PCDH9: variants seen among roughly 807,000 people sequenced by gnomAD.
PCDH9 encodes protocadherin 9, also known as protocadherin-9.
Under a neutral mutation model 70.6 loss-of-function variants are expected in PCDH9, and 24 were observed. The observed-to-expected ratio is 0.34, with a 90% CI of 0.25 to 0.48. The LOEUF (loss-of-function observed/expected upper bound fraction) is 0.48. PCDH9 is among the 20% of genes least tolerant of loss of function. The pLI is 0.99. For missense variants in PCDH9, 1,281 were observed against 1,503.6 expected, an observed-to-expected ratio of 0.85 and a Z score of 2.45; for synonymous variants, 562 against 558.5, an observed-to-expected ratio of 1.01 and a Z score of -0.09.
At chr13:66,808,704 G>C (rs900421544) in intron 3 of PCDH9, among the ~76,000 whole-genome samples, 1 of 152,104 alleles carries the variant, frequency 6.6e-6, no homozygotes, top group Non-Finnish European at 1.5e-5. Flanking sequence ...ATATGCTAGA[G>C]AATGCATATT....
At position 66,746,335 on chromosome 13, in the gene PCDH9, C is replaced by G. The variant is rs1360564535; in HGVS notation, c.3139-114924G>C. 2.6e-5 allele frequency among the ~76,000 whole-genome samples: 4 copies of G among 152,138 alleles called. No homozygotes were observed. In the East Asian group the frequency reaches 5.8e-4, roughly 22 times the overall value. ...GTAAAAGCAATTATAAAAACTCTCT[C>G]AATATTTGTTTCATTTCAAATTAAA... is the stretch of plus-strand genomic sequence containing the variant. On this transcript the variant is annotated intron_variant, in intron 3 of 4. Coordinates refer to ENST00000377865, the MANE Select transcript of PCDH9 (RefSeq NM_203487.3).
intron 3 of PCDH9, among the ~76,000 whole-genome samples, chr13:66,805,653 G>A (rs1025913989): frequency 2.0e-5 from 3 of 151,950 alleles, no homozygotes; most frequent in Non-Finnish European, 2.9e-5. Flanking sequence ...CCTCCATTTC[G>A]TATCTTATGA....
intron 2 of PCDH9, among the ~76,000 whole-genome samples, chr13:67,121,189 A>G (rs961978372): frequency 1.3e-5 from 2 of 152,320 alleles, no homozygotes; most frequent in Non-Finnish European, 2.9e-5. Flanking sequence ...ACTTTAAAAA[A>G]TTTTTGGAAT....
At chr13:67,142,239 T>A (rs1403323494) in intron 2 of PCDH9, among the ~76,000 whole-genome samples, 1 of 152,208 alleles carries the variant, frequency 6.6e-6, no homozygotes, top group Non-Finnish European at 1.5e-5. Flanking sequence ...TTAGTAAATT[T>A]ATAAATTTTA....
At chr13:66,414,498 C>T (rs10507736) in intron 4 of PCDH9, among the ~76,000 whole-genome samples, 4,290 of 152,236 alleles carry the variant, frequency 0.028, 87 homozygotes, top group South Asian at 0.062. Context: ...GATTGCTTTA[C>T]GATGGATCCT....
intron 4 of PCDH9, among the ~76,000 whole-genome samples, chr13:66,492,371 G>T (rs1959048464): frequency 6.7e-6 from 1 of 149,834 alleles, no homozygotes; most frequent in African/African-American, 2.4e-5. Flanking sequence ...TCTGAATGTT[G>T]GTCATTCTAT....
chr13:66,713,717 C>T (rs1335221418), intron 3 of PCDH9, among the ~76,000 whole-genome samples: 1 of 148,786 alleles, frequency 6.7e-6, no homozygotes, highest in Non-Finnish European at 1.5e-5. Flanking sequence ...GTCAAATAGA[C>T]ATATCTTCTT....
chr13:66,623,631 G>A (rs138145307), intron 4 of PCDH9, among the ~76,000 whole-genome samples: 2 of 152,108 alleles, frequency 1.3e-5, no homozygotes, highest in East Asian at 1.9e-4. Context: ...GTACAGACAC[G>A]GTCTTGTTAT....
At chr13:66,942,651 G>A in intron 2 of PCDH9, among the ~76,000 whole-genome samples, 1 of 152,042 alleles carries the variant, frequency 6.6e-6, no homozygotes, top group East Asian at 1.9e-4. Flanking sequence ...AAGTGTCCAA[G>A]GCCCAAGGCT....
At chr13:67,115,382 G>C (rs1020665010) in intron 2 of PCDH9, among the ~76,000 whole-genome samples, 4 of 152,168 alleles carry the variant, frequency 2.6e-5, no homozygotes, top group Non-Finnish European at 5.9e-5. Context: ...TGTGCTGCTG[G>C]TGGTTGAAGA....
intron 3 of PCDH9, among the ~76,000 whole-genome samples, chr13:66,643,601 T>C (rs1445783136): frequency 6.6e-6 from 1 of 152,074 alleles, no homozygotes; most frequent in East Asian, 1.9e-4. Flanking sequence ...GATACAAATA[T>C]AAAATTCAAA....
At chr13:66,421,313 G>A (rs187707755) in intron 4 of PCDH9, among the ~76,000 whole-genome samples, 10 of 152,164 alleles carry the variant, frequency 6.6e-5, no homozygotes, top group Admixed American at 6.5e-4. Flanking sequence ...TTGAAATTCA[G>A]GAAATACAGA....
chr13:66,849,682 G>A (rs182770334), intron 3 of PCDH9, among the ~76,000 whole-genome samples: 1 of 152,156 alleles, frequency 6.6e-6, no homozygotes, highest in Non-Finnish European at 1.5e-5. Flanking sequence ...TAAGTCATTT[G>A]AAGAAGGCAA....
chr13:67,185,894 G>A (rs966137686), intron 2 of PCDH9, among the ~76,000 whole-genome samples: 10 of 152,086 alleles, frequency 6.6e-5, no homozygotes, highest in Admixed American at 3.3e-4. Flanking sequence ...CACCACACCC[G>A]GCTAATTTTG....
At chr13:66,846,020 T>A (rs2081201446) in intron 3 of PCDH9, among the ~76,000 whole-genome samples, 1 of 151,828 alleles carries the variant, frequency 6.6e-6, no homozygotes, top group Admixed American at 6.6e-5. Context: ...ATGTCATCCA[T>A]GTATTTAGAG....
chr13:67,014,298 T>C (rs187261809), intron 2 of PCDH9, among the ~76,000 whole-genome samples: 22 of 152,188 alleles, frequency 1.4e-4, no homozygotes, highest in Admixed American at 1.4e-3. Context: ...TATGTAGAGG[T>C]AGAAACTGCA....
intron 4 of PCDH9, among the ~76,000 whole-genome samples, chr13:66,590,888 G>C (rs2077030764): frequency 6.6e-6 from 1 of 151,444 alleles, no homozygotes; most frequent in South Asian, 2.1e-4. Context: ...TATAACAATA[G>C]CATATATAAT....
chr13:66,708,339 G>A (rs1192925869), intron 3 of PCDH9, among the ~76,000 whole-genome samples: 2 of 151,638 alleles, frequency 1.3e-5, no homozygotes, highest in East Asian at 1.9e-4. Context: ...GTGAGCCACC[G>A]CGCCCGGCCC....
At chr13:66,867,395 T>C (rs571128944) in intron 3 of PCDH9, among the ~76,000 whole-genome samples, 1 of 152,252 alleles carries the variant, frequency 6.6e-6, no homozygotes, top group South Asian at 2.1e-4. Context: ...AATACCTAAT[T>C]GCTTATCTCT....
Sources: gnomAD v4.1 joint callset for allele counts (sites outside exome capture counted in the v4.1 genomes callset) on GRCh38, gnomAD v4.1.1 for gene constraint, MANE v1.5 for transcripts, NCBI Gene and HGNC (gene_info 2026-07-23, HGNC 2026-07-21) for gene names.